SLC35D4: variants seen among roughly 807,000 people sequenced by gnomAD.
SLC35D4 encodes the protein UDP-N-acetylglucosamine transporter SLC35D4.
the SLC35D4 span, among the ~76,000 whole-genome samples, chr18:23,353,493 C>T: frequency 2.0e-5 from 3 of 152,202 alleles, no homozygotes; most frequent in Non-Finnish European, 4.4e-5. Context: ...ATTAATTGAA[C>T]ACACCTAAGG....
chr18:23,252,946 CCT>C, the SLC35D4 span: 19 of 1,546,320 alleles, frequency 1.2e-5, 1 homozygote, highest in East Asian at 2.2e-5. Flanking sequence ...TCCGTGTTCC[CCT>C]GTCTGTTACA....
the SLC35D4 span, among the ~76,000 whole-genome samples, chr18:23,247,227 A>T: frequency 1.3e-5 from 2 of 152,256 alleles, no homozygotes; most frequent in Non-Finnish European, 2.9e-5. Flanking sequence ...AGGCTCCCTC[A>T]AGACAGGATG....
the SLC35D4 span, among the ~76,000 whole-genome samples, chr18:23,352,744 G>C: frequency 6.6e-6 from 1 of 152,216 alleles, no homozygotes; most frequent in Non-Finnish European, 1.5e-5. Flanking sequence ...GAATCTGAAG[G>C]GGAAGGCTGG....
At chr18:23,404,010 C>T in the SLC35D4 span, among the ~76,000 whole-genome samples, 23 of 151,794 alleles carry the variant, frequency 1.5e-4, no homozygotes, top group African/African-American at 5.1e-4. Context: ...CCCAGCTGCT[C>T]GGGAGGCTCA....
the SLC35D4 span, among the ~76,000 whole-genome samples, chr18:23,326,916 C>G: frequency 1.3e-5 from 2 of 151,224 alleles, no homozygotes; most frequent in African/African-American, 4.8e-5. Context: ...AACCGCACAA[C>G]TGGAAACTGA....
At chr18:23,424,098 T>A in the SLC35D4 span, among the ~76,000 whole-genome samples, 1 of 152,114 alleles carries the variant, frequency 6.6e-6, no homozygotes, top group Admixed American at 6.6e-5. Flanking sequence ...TAGGAGTTTT[T>A]ATAGTAATTG....
chr18:23,423,932 C>T, the SLC35D4 span, among the ~76,000 whole-genome samples: 261 of 152,206 alleles, frequency 1.7e-3, 1 homozygote, highest in African/African-American at 6.0e-3. Flanking sequence ...TGAAGGACCA[C>T]GTCAATCATA....
chr18:23,309,278 AACATT>A, the SLC35D4 span, among the ~76,000 whole-genome samples: 3 of 151,522 alleles, frequency 2.0e-5, no homozygotes, highest in Non-Finnish European at 4.4e-5. Flanking sequence ...TGGTTTACTA[AACATT>A]ACATATTATT....
chr18:23,241,685 C>A, the SLC35D4 span, among the ~76,000 whole-genome samples: 2 of 152,068 alleles, frequency 1.3e-5, no homozygotes, highest in East Asian at 3.9e-4. Context: ...GGGTAAATAC[C>A]TAGGAGTGGG....
the SLC35D4 span, among the ~76,000 whole-genome samples, chr18:23,355,592 C>CT: frequency 0.66 from 93,803 of 141,744 alleles, 31,010 homozygotes; most frequent in Middle Eastern, 0.82. Context: ...CTCTGTAATT[C>CT]TTTTTTTTTT....
the SLC35D4 span, among the ~76,000 whole-genome samples, chr18:23,313,143 A>G: frequency 7.0e-6 from 1 of 142,852 alleles, no homozygotes; most frequent in African/African-American, 2.7e-5. Flanking sequence ...AAAAAAAAAA[A>G]AAAAAAAAAA....
the SLC35D4 span, among the ~76,000 whole-genome samples, chr18:23,246,491 A>C: frequency 2.6e-5 from 4 of 151,942 alleles, no homozygotes; most frequent in African/African-American, 7.3e-5. Flanking sequence ...TCCCGGGTTC[A>C]CGCCATTCTC....
At chr18:23,247,651 C>T in the SLC35D4 span, among the ~76,000 whole-genome samples, 1 of 152,214 alleles carries the variant, frequency 6.6e-6, no homozygotes, top group Non-Finnish European at 1.5e-5. Flanking sequence ...TGCACTGGGC[C>T]GCCGGGCACC....
At chr18:23,345,221 C>T in the SLC35D4 span, among the ~76,000 whole-genome samples, 3,754 of 152,084 alleles carry the variant, frequency 0.025, 52 homozygotes, top group Middle Eastern at 0.058. Flanking sequence ...CAGTGGCTCA[C>T]GCCTGTAATC....
chr18:23,336,126 A>C, the SLC35D4 span, among the ~76,000 whole-genome samples: 1 of 152,138 alleles, frequency 6.6e-6, no homozygotes. Context: ...CATAGCACTC[A>C]TTTCTCTATG....
At chr18:23,256,078 G>A in the SLC35D4 span, among the ~76,000 whole-genome samples, 1 of 152,302 alleles carries the variant, frequency 6.6e-6, no homozygotes, top group African/African-American at 2.4e-5. Context: ...GGTTTGACCA[G>A]CCACTTACGG....
At chr18:23,252,822 G>A in the SLC35D4 span, 11 of 586,010 alleles carry the variant, frequency 1.9e-5, no homozygotes, top group East Asian at 1.6e-4. Context: ...GGATTCCGCC[G>A]AGCCCTTGTT....
At chr18:23,255,709 A>G in the SLC35D4 span, among the ~76,000 whole-genome samples, 1 of 151,924 alleles carries the variant, frequency 6.6e-6, no homozygotes, top group Non-Finnish European at 1.5e-5. Flanking sequence ...ACAGGCATGT[A>G]CCACTGCGCC....
the SLC35D4 span, among the ~76,000 whole-genome samples, chr18:23,409,203 C>T: frequency 3.9e-5 from 6 of 152,108 alleles, no homozygotes; most frequent in Non-Finnish European, 8.8e-5. Flanking sequence ...TACAGATAAT[C>T]AAGAAAAAGA....
Sources: allele counts gnomAD v4.1 joint callset (sites outside exome capture counted in the v4.1 genomes callset), GRCh38; gene constraint gnomAD v4.1.1; transcripts MANE v1.5; gene names NCBI Gene and HGNC (gene_info 2026-07-23, HGNC 2026-07-21).